PCNX1: variants seen among roughly 807,000 people sequenced by gnomAD.
PCNX1 encodes pecanex 1, also known as pecanex-like protein 1.
Under a neutral mutation model 242.2 loss-of-function variants are expected in PCNX1, and 78 were observed. The ratio of observed to expected loss-of-function variants is 0.32; its 90% CI spans 0.27 to 0.39. The LOEUF (loss-of-function observed/expected upper bound fraction) is 0.39, where lower values mean the gene tolerates loss of function less well. Ranked by LOEUF, PCNX1 falls within the 10% of genes least tolerant of loss-of-function variation. The probability of loss-of-function intolerance (pLI) is 1.00; values close to 1 mark genes in which losing one functional copy is unlikely to be tolerated. For missense variants in PCNX1, 2,581 were observed against 2,856.5 expected, an observed-to-expected ratio of 0.90 and a Z score of 2.20; for synonymous variants, 1,024 against 1,032.9, an observed-to-expected ratio of 0.99 and a Z score of 0.17.
intron 18 of PCNX1, among the ~76,000 whole-genome samples, chr14:71,035,040 G>T (rs28374308): frequency 0.37 from 55,554 of 151,844 alleles, 10,420 homozygotes; most frequent in East Asian, 0.62. Flanking sequence ...TATCCAAAGG[G>T]ATATACCCCT....
intron 25 of PCNX1, 62 bp from the exon 26 acceptor site, chr14:71,057,447 A>C: frequency 9.7e-7 from 1 of 1,028,696 alleles, no homozygotes; most frequent in Non-Finnish European, 1.5e-6. Flanking sequence ...TATTTTTAAC[A>C]ATCTTGTTTG....
intron 24 of PCNX1, among the ~76,000 whole-genome samples, chr14:71,054,816 G>A (rs1265689184): frequency 6.6e-6 from 1 of 152,122 alleles, no homozygotes; most frequent in Non-Finnish European, 1.5e-5. Context: ...GATTTATTAA[G>A]GTTAATACTT....
chr14:70,932,418 T>A (rs2056836677), intron 1 of PCNX1, among the ~76,000 whole-genome samples: 2 of 152,076 alleles, frequency 1.3e-5, no homozygotes, highest in South Asian at 2.1e-4. Flanking sequence ...TTTCTATGAT[T>A]TTTCTTACAA....
At chr14:70,962,068 G>A (rs186961069) in intron 2 of PCNX1, among the ~76,000 whole-genome samples, 158 bp from the exon 3 acceptor site, 1 of 152,264 alleles carries the variant, frequency 6.6e-6, no homozygotes, top group Admixed American at 6.5e-5. Context: ...ACTTGTAAAT[G>A]AAGAATGATC....
At position 71,108,797 on chromosome 14, in the gene PCNX1, C is replaced by T; in HGVS notation, c.6495C>T (p.Ile2165=). The T allele has an allele frequency of 6.2e-7, 1 of 1,614,254 alleles. No homozygotes were observed. The highest frequency in any genetic ancestry group is 8.5e-7 in the Non-Finnish European group (1 of 1,180,046). The change falls in exon 34 of 36, where the codon ATC becomes ATT. Residue 2165 remains isoleucine, a synonymous_variant. Coordinates refer to ENST00000304743, the MANE Select transcript of PCNX1 (RefSeq NM_014982.3). ...CGCTTCGAAACTTGCCATCATCCAT[C>T]CAATCCCGACTGTCGATGGTGAACC... ...QISLRNLPSS[I]QSRLSMVNQM...
At chr14:70,938,654 A>T (rs2057107822) in intron 1 of PCNX1, among the ~76,000 whole-genome samples, 1 of 152,176 alleles carries the variant, frequency 6.6e-6, no homozygotes. Context: ...AAAATGAGTT[A>T]GGGAGGATTC....
chr14:70,950,913 A>G (rs904338338), intron 2 of PCNX1, among the ~76,000 whole-genome samples: 2 of 151,654 alleles, frequency 1.3e-5, no homozygotes, highest in African/African-American at 4.8e-5. Flanking sequence ...CAGTGTCTTT[A>G]TATCCTGTAA....
intron 22 of PCNX1, among the ~76,000 whole-genome samples, chr14:71,049,564 A>G (rs977302750): frequency 1.3e-5 from 2 of 152,180 alleles, no homozygotes; most frequent in African/African-American, 2.4e-5. Context: ...CAGACTCTGA[A>G]GAGCTTTCTG....
Position 71,114,311 on chromosome 14 carries a change from G to A in PCNX1, c.*4376G>A, listed in dbSNP as rs569889264. ...AATTTGGTTGATTGATATGCACCCA[G>A]GCCGTCTTATTTTTACTTGTTAAAT... On this transcript the variant is annotated 3_prime_UTR_variant, in exon 36 of 36. Coordinates refer to ENST00000304743, the MANE Select transcript of PCNX1 (RefSeq NM_014982.3). 3 of 151,984 alleles carry A rather than the reference G, an allele frequency of 2.0e-5. No homozygotes were observed. The highest frequency in any genetic ancestry group is 2.9e-5 in the Non-Finnish European group (2 of 67,970). 9.4% of individuals were successfully genotyped at this position (151,984 alleles called of 1,614,324 possible). A position where few individuals can be genotyped will look rare whatever the true frequency, so the allele number is the denominator to read the frequency against.
intron 1 of PCNX1, 60 bp from the exon 2 acceptor site, chr14:70,946,850 TTTATC>T: frequency 1.8e-6 from 2 of 1,102,394 alleles, no homozygotes; most frequent in Non-Finnish European, 2.7e-6. Flanking sequence ...TAGATACAGA[TTTATC>T]TAATTGAATA....
rs760887189 is a variant in PCNX1, at chr14:71,026,855, T to A, written c.3439T>A (p.Leu1147Met). 1 of 1,548,028 alleles carries A rather than the reference T, an allele frequency of 6.5e-7. No homozygotes were observed. Among genetic ancestry groups the A allele is most frequent in the Admixed American group, 1.7e-5 (1 of 59,668 alleles). ...ATTTGTAATGTACCTTTGTGAACAA[T>A]TGGATATTCATATTTTTGGTGGTAA... ...NTFVMYLCEQ[L>M]DIHIFGGNAT... The change falls in exon 15 of 36, where the codon TTG (leucine) becomes ATG (methionine). Residue 1147 changes from leucine (L) to methionine (M), a missense_variant. Leu to Met is a conservative substitution (Grantham distance 15, BLOSUM62 2). Around this residue, in one of 9 missense-constraint regions of PCNX1, gnomAD observed 432 missense variants for 443.1 expected, o/e 0.97. Coordinates refer to ENST00000304743, the MANE Select transcript of PCNX1 (RefSeq NM_014982.3).
intron 10 of PCNX1, 94 bp from the exon 11 acceptor site, chr14:71,012,891 T>G: frequency 1.2e-6 from 1 of 830,136 alleles, no homozygotes; most frequent in Non-Finnish European, 2.0e-6. Flanking sequence ...GCTAATTGAG[T>G]AACTGTTGAA....
chr14:71,026,191 T>C lies in PCNX1; in HGVS notation c.3258T>C (p.Asp1086=), dbSNP rs752769628. The C allele has an allele frequency of 9.3e-6, 15 of 1,611,398 alleles. No homozygotes were observed. The highest frequency in any genetic ancestry group is 1.3e-5 in the Non-Finnish European group (15 of 1,178,048). The change falls in exon 14 of 36, where the codon GAT becomes GAC. Residue 1086 remains aspartate, a synonymous_variant. Coordinates refer to ENST00000304743, the MANE Select transcript of PCNX1 (RefSeq NM_014982.3). ...GTTGCGGTCTTATTTGGCTCTTGGA[T>C]TATGGTAGCAGAAACCTGACTGCAA... ...CICCGLIWLL[D]YGSRNLTATK... is the part of the protein sequence containing the mutation.
Position 70,947,095 on chromosome 14 carries a change from A to G in PCNX1, c.334A>G (p.Thr112Ala), listed in dbSNP as rs2057486853. The change falls in exon 2 of 36, where the codon ACC becomes GCC. Residue 112 changes from threonine (T) to alanine (A), a missense_variant. By Grantham distance (58) the Thr-to-Ala change is moderately conservative (BLOSUM62 0). Around this residue, in one of 9 missense-constraint regions of PCNX1, gnomAD observed 1,204 missense variants for 1,216.7 expected, o/e 0.99. Coordinates refer to ENST00000304743, the MANE Select transcript of PCNX1 (RefSeq NM_014982.3). Reference protein sequence around the residue: ...RTKAEQGNCSTRRKDSNGPSD... With the variant: ...RTKAEQGNCSARRKDSNGPSD... ...CAAAGCTGAACAAGGCAACTGTTCA[A>G]CCAGGAGAAAAGACAGCAATGGACC... is the stretch of plus-strand genomic sequence containing the variant. 6.2e-7 allele frequency: 1 copy of G among 1,612,316 alleles called. No individual in the cohort carries two copies. The highest frequency in any genetic ancestry group is 8.5e-7 in the Non-Finnish European group (1 of 1,179,096).
Position 70,985,466 on chromosome 14 carries a change from G to T in PCNX1, c.2312-3101G>T, listed in dbSNP as rs370677254. 3.6e-3 allele frequency among the ~76,000 whole-genome samples: 548 copies of T among 152,184 alleles called. 1 individual carries two copies. The highest frequency in any genetic ancestry group is 0.013 in the African/African-American group (531 of 41,522). On this transcript the variant is annotated intron_variant, in intron 6 of 35. Transcript: ENST00000304743. Reference sequence around the variant, plus strand: ...TGACTTCAGGTGATCCACCCACCTCGGCCTCCCAAAGTGCTGGGATTACAG... The same window carrying T: ...TGACTTCAGGTGATCCACCCACCTCTGCCTCCCAAAGTGCTGGGATTACAG...
At position 71,011,710 on chromosome 14, in the gene PCNX1, T is replaced by TAG. The variant is rs575824587; in HGVS notation, c.2778+161_2778+162insAG. ...CTTTGCTGCCCTCCAGTGGCTCTCTTTTTCTAAGTCCTTTGATAAGAAACA... is the reference window on the plus strand; with the variant it reads ...CTTTGCTGCCCTCCAGTGGCTCTCTTAGTTTCTAAGTCCTTTGATAAGAAACA... On this transcript the variant is annotated intron_variant, in intron 10 of 35. Transcript: ENST00000304743. 336 of 589,794 alleles carry TAG rather than the reference T, an allele frequency of 5.7e-4. 5 individuals are homozygous for TAG. The South Asian group carries it at 7.1e-3, about 13-fold the overall frequency. The allele number at this position is 589,794 out of a possible 1,614,324, so 36.5% of individuals were successfully genotyped here. A position where few individuals can be genotyped will look rare whatever the true frequency, so the allele number is the denominator to read the frequency against.
chr14:71,012,847 G>T, intron 10 of PCNX1, 138 bp from the exon 11 acceptor site: 1 of 634,816 alleles, frequency 1.6e-6, no homozygotes, highest in Non-Finnish European at 2.7e-6. Context: ...AAGTGTATGA[G>T]AGAAGAAAAT....
chr14:70,910,531 C>G (rs1329960772), intron 1 of PCNX1, among the ~76,000 whole-genome samples: 1 of 152,026 alleles, frequency 6.6e-6, no homozygotes, highest in Non-Finnish European at 1.5e-5. Context: ...TGGATGACTC[C>G]TCTTTTCCAG....
At chr14:70,989,079 T>C (rs562462760) in intron 7 of PCNX1, among the ~76,000 whole-genome samples, 1 of 152,124 alleles carries the variant, frequency 6.6e-6, no homozygotes, top group East Asian at 1.9e-4. Context: ...AAATACAAAC[T>C]GAGTGGTGAG....
Sources: allele counts gnomAD v4.1 joint callset (sites outside exome capture counted in the v4.1 genomes callset), GRCh38; gene constraint gnomAD v4.1.1; regional missense constraint gnomAD v4.1.1; transcripts MANE v1.5; gene names NCBI Gene and HGNC (gene_info 2026-07-23, HGNC 2026-07-21).